Variants in FMNL2 observed in about 807,000 individuals in gnomAD.
The protein encoded by FMNL2 is formin like 2, also known as formin-like protein 2.
In FMNL2, 51 loss-of-function variants were observed where a neutral mutation model predicts 130.2. That is an observed-to-expected ratio of 0.39 (90% CI 0.31 to 0.49). FMNL2 has a LOEUF of 0.49. FMNL2 is among the 20% of genes least tolerant of loss of function. The probability of loss-of-function intolerance (pLI) is 0.85; values close to 1 mark genes in which losing one functional copy is unlikely to be tolerated. For synonymous variants in FMNL2, 465 were observed against 467.1 expected (o/e 1.00, Z 0.06); for missense variants, 977 against 1,316.2 (o/e 0.74, Z 3.99).
In FMNL2 at chr2:152,648,776, T is replaced by TTACTC. The variant is rs1683831532; in HGVS notation, c.*873_*877dup. 2 of 152,598 alleles carry TTACTC rather than the reference T, an allele frequency of 1.3e-5. No homozygotes were observed. Among genetic ancestry groups the TTACTC allele is most frequent in the Non-Finnish European group, 2.9e-5 (2 of 68,040 alleles). The allele number at this position is 152,598 out of a possible 1,614,324, so 9.5% of individuals were successfully genotyped here. A position where few individuals can be genotyped will look rare whatever the true frequency, so the allele number is the denominator to read the frequency against. On this transcript the variant is annotated 3_prime_UTR_variant, in exon 26 of 26. Transcript: ENST00000288670. ...GCAGAGTAGTGTTAGGAACCTGGCC[T>TTACTC]TACTCTCCTCTGACAATCGCAATTT...
At chr2:152,558,892 A>T in intron 5 of FMNL2, 69 bp downstream of exon 5, 1 of 1,349,260 alleles carries the variant, frequency 7.4e-7, no homozygotes. Context: ...CAGTGGTAAA[A>T]TTATACACCA....
chr2:152,508,350 T>A (rs1277656041), intron 1 of FMNL2, among the ~76,000 whole-genome samples: 1 of 152,220 alleles, frequency 6.6e-6, no homozygotes, highest in Non-Finnish European at 1.5e-5. Flanking sequence ...CTATAAAACC[T>A]AATAATCAAA....
chr2:152,475,391 A>C (rs534515742), intron 1 of FMNL2, among the ~76,000 whole-genome samples: 3 of 152,240 alleles, frequency 2.0e-5, no homozygotes, highest in Non-Finnish European at 4.4e-5. Context: ...TCTTAGACCA[A>C]GTTCTTGACA....
Position 152,581,261 on chromosome 2 carries a change from G to T in FMNL2, c.876+212G>T, listed in dbSNP as rs1032156824. ...AAAATAATCACAGTACTCTTTTTTT[G>T]TTGTTGTTGTTTTTGTTTTAATTTT... On this transcript the variant is annotated intron_variant, in intron 9 of 25. Coordinates refer to ENST00000288670, the MANE Select transcript of FMNL2 (RefSeq NM_052905.4). Among the ~76,000 whole-genome samples the T allele has an allele frequency of 6.6e-5, 10 of 151,782 alleles. No homozygotes were observed. In the South Asian group the frequency reaches 8.3e-4, roughly 13 times the overall value.
intron 9 of FMNL2, among the ~76,000 whole-genome samples, chr2:152,604,128 T>C (rs1252258476): frequency 3.3e-5 from 5 of 151,058 alleles, no homozygotes; most frequent in African/African-American, 9.7e-5. Context: ...TTAGTGATAA[T>C]GTTTTTCATC....
intron 1 of FMNL2, among the ~76,000 whole-genome samples, chr2:152,427,025 G>A (rs910055789): frequency 2.6e-5 from 4 of 152,148 alleles, no homozygotes; most frequent in Admixed American, 2.0e-4. Flanking sequence ...CAGTGTTTTT[G>A]TTTTACAAAA....
At chr2:152,374,417 G>A (rs1401877788) in intron 1 of FMNL2, among the ~76,000 whole-genome samples, 1 of 152,018 alleles carries the variant, frequency 6.6e-6, no homozygotes, top group East Asian at 1.9e-4. Context: ...AGATTTTCTT[G>A]ATCAGATAAT....
At chr2:152,376,008 C>G (rs1684149945) in intron 1 of FMNL2, among the ~76,000 whole-genome samples, 3 of 151,890 alleles carry the variant, frequency 2.0e-5, no homozygotes, top group Admixed American at 2.0e-4. Context: ...ATTCTCGTGC[C>G]TCAGCCTCCC....
chr2:152,421,117 C>A (rs996975950), intron 1 of FMNL2, among the ~76,000 whole-genome samples: 8 of 152,174 alleles, frequency 5.3e-5, no homozygotes, highest in African/African-American at 1.9e-4. Flanking sequence ...AGCCCCGCCA[C>A]CCTAACAACT....
intron 1 of FMNL2, among the ~76,000 whole-genome samples, chr2:152,496,619 A>AT (rs1273659999): frequency 2.6e-5 from 4 of 152,188 alleles, no homozygotes; most frequent in African/African-American, 9.7e-5. Flanking sequence ...CCAAATAGTG[A>AT]TTTTTAAATT....
At chr2:152,424,890 C>T (rs960853186) in intron 1 of FMNL2, among the ~76,000 whole-genome samples, 1 of 152,228 alleles carries the variant, frequency 6.6e-6, no homozygotes, top group African/African-American at 2.4e-5. Flanking sequence ...AAGCTTGAAA[C>T]ACTATGTCTG....
chr2:152,378,021 A>C (rs1041241090), intron 1 of FMNL2, among the ~76,000 whole-genome samples: 1 of 149,666 alleles, frequency 6.7e-6, no homozygotes, highest in African/African-American at 2.4e-5. Context: ...CTGAGGTGGT[A>C]GGATTGCTTG....
chr2:152,516,565 A>G (rs1274256927), intron 1 of FMNL2, among the ~76,000 whole-genome samples: 1 of 152,234 alleles, frequency 6.6e-6, no homozygotes, highest in African/African-American at 2.4e-5. Context: ...TACAAGGACA[A>G]AGATATATTA....
chr2:152,638,874 A>C (rs1682845157), intron 23 of FMNL2, among the ~76,000 whole-genome samples: 1 of 152,214 alleles, frequency 6.6e-6, no homozygotes, highest in Non-Finnish European at 1.5e-5. Flanking sequence ...CAAAAGAGAA[A>C]ATATATTTTA....
chr2:152,362,896 A>G (rs1683260467), intron 1 of FMNL2, among the ~76,000 whole-genome samples: 1 of 152,160 alleles, frequency 6.6e-6, no homozygotes, highest in Admixed American at 6.5e-5. Context: ...AACACGGTGA[A>G]TCTAGCAAAC....
intron 9 of FMNL2, among the ~76,000 whole-genome samples, chr2:152,595,842 TGTGACA>T (rs60819262): frequency 0.15 from 22,117 of 152,062 alleles, 1,942 homozygotes; most frequent in African/African-American, 0.25. Context: ...ATGAGTCTAA[TGTGACA>T]GAGTGGGTAC....
chr2:152,526,755 T>G (rs1282285733), intron 2 of FMNL2, among the ~76,000 whole-genome samples: 1 of 152,196 alleles, frequency 6.6e-6, no homozygotes, highest in Non-Finnish European at 1.5e-5. Flanking sequence ...GTCTTCCCCC[T>G]CTATACATTC....
At chr2:152,529,797 A>C (rs961236084) in intron 2 of FMNL2, among the ~76,000 whole-genome samples, 1 of 152,188 alleles carries the variant, frequency 6.6e-6, no homozygotes. Context: ...GGTAGTGAAA[A>C]GAGGAGAGGA....
Position 152,412,449 on chromosome 2 carries a change from TATATATATATA to T in FMNL2, c.117+76730_117+76740del, listed in dbSNP as rs1686350950. ...CTCTTACTTTCTTCTGTATATTTTA[TATATATATATA>T]TATATATATATATATATATATATAT... On this transcript the variant is annotated intron_variant, in intron 1 of 25. Transcript: ENST00000288670. Among the ~76,000 whole-genome samples, 39 of 10,340 alleles carry T rather than the reference TATATATATATA, an allele frequency of 3.8e-3. 1 individual carries two copies. Among genetic ancestry groups the T allele is most frequent in the East Asian group, 7.2e-3 (11 of 1,522 alleles). 6.8% of individuals were successfully genotyped at this position (10,340 alleles called of 152,430 possible).
Sources: gnomAD v4.1 joint callset for allele counts (sites outside exome capture counted in the v4.1 genomes callset) on GRCh38, gnomAD v4.1.1 for gene constraint, MANE v1.5 for transcripts, NCBI Gene and HGNC (gene_info 2026-07-23, HGNC 2026-07-21) for gene names.